The following PTDSS2 variants were observed in gnomAD, a reference collection of about 807,000 sequenced individuals.
PTDSS2 encodes phosphatidylserine synthase 2.
PTDSS2 carries 41 observed loss-of-function variants against 64.7 expected under a neutral mutation model. That is an observed-to-expected ratio of 0.63 (90% CI 0.49 to 0.82). The LOEUF (loss-of-function observed/expected upper bound fraction) is 0.82. Among genes scored for constraint, PTDSS2 ranks in the 40% least tolerant of loss-of-function variants. The probability of loss-of-function intolerance (pLI) is 0.00; values close to 1 mark genes in which losing one functional copy is unlikely to be tolerated. For synonymous variants in PTDSS2, 297 were observed against 277.8 expected, an observed-to-expected ratio of 1.07 and a Z score of -0.69; for missense variants, 485 against 650.0, an observed-to-expected ratio of 0.75 and a Z score of 2.76.
upstream of PTDSS2, among the ~76,000 whole-genome samples, chr11:449,319 T>C (rs1346243336): frequency 2.0e-5 from 3 of 152,192 alleles, no homozygotes; most frequent in Non-Finnish European, 2.9e-5. Flanking sequence ...CCGCCCGCCT[T>C]GGCCTCCCAA....
At chr11:452,351 G>GTGC (rs1303642972) in intron 1 of PTDSS2, among the ~76,000 whole-genome samples, 11 of 152,228 alleles carry the variant, frequency 7.2e-5, no homozygotes, top group Non-Finnish European at 1.3e-4. Flanking sequence ...TGCTGGCTGG[G>GTGC]TGCTGAGTGT....
At chr11:468,278 G>T (rs1416739978) in intron 2 of PTDSS2, among the ~76,000 whole-genome samples, 3 of 152,236 alleles carry the variant, frequency 2.0e-5, no homozygotes, top group African/African-American at 4.8e-5. Context: ...GAGGCAATAT[G>T]ATGTGGTAGT....
At chr11:451,708 A>C (rs1269223754) in intron 1 of PTDSS2, among the ~76,000 whole-genome samples, 1 of 152,124 alleles carries the variant, frequency 6.6e-6, no homozygotes, top group Non-Finnish European at 1.5e-5. Flanking sequence ...TGTCAGGGGA[A>C]GGCGCCACCA....
intron 4 of PTDSS2, among the ~76,000 whole-genome samples, chr11:482,384 G>A (rs994758311): frequency 6.6e-6 from 1 of 152,190 alleles, no homozygotes; most frequent in Non-Finnish European, 1.5e-5. Context: ...TACCACACCC[G>A]ACTAATTTTG....
rs1420898550 is a variant in PTDSS2, at chr11:490,042, C to T, written c.1275C>T (p.Thr425=). The change falls in exon 11 of 12, where the codon ACC becomes ACT. Residue 425 remains threonine (T), a synonymous_variant. Transcript: ENST00000308020. The stretch of plus-strand genomic sequence containing the variant: ...CCCTCGGCTCCGTCCTGGCGCTCAC[C>T]TGGACCGTCTGGCGCTTCTTCCTGC... ...CWTLGSVLAL[T]WTVWRFFLRD... The T allele has an allele frequency of 2.5e-6, 4 of 1,609,378 alleles. No individual in the cohort carries two copies. The Admixed American group carries it at 5.0e-5, about 20-fold the overall frequency.
At position 488,244 on chromosome 11, in the gene PTDSS2, A is replaced by G. The variant is rs1428723416; in HGVS notation, c.667A>G (p.Met223Val). ...GTGGATGTGCATGATCATCAGCGTG[A>G]TGTTCGAGTTCCTGGAGTACAGCCT... ...DWWMCMIISV[M>V]FEFLEYSLEH... The change falls in exon 7 of 12, where the codon ATG becomes GTG. Residue 223 changes from methionine (M) to valine (V), a missense_variant. This residue lies in a region of PTDSS2 where 251 missense variants were observed against 348.0 expected (regional missense o/e 0.72). Transcript: ENST00000308020. The G allele has an allele frequency of 1.2e-6, 2 of 1,613,566 alleles. No individual in the cohort carries two copies. Among genetic ancestry groups the G allele is most frequent in the East Asian group, 2.2e-5 (1 of 44,878 alleles).
At chr11:469,267 C>G (rs112877583) in intron 2 of PTDSS2, among the ~76,000 whole-genome samples, 75 of 64,694 alleles carry the variant, frequency 1.2e-3, no homozygotes, top group African/African-American at 2.2e-3. Flanking sequence ...AGGAGGAGGG[C>G]AGTCTCTGGG....
chr11:457,169 A>G (rs895258988), intron 1 of PTDSS2, among the ~76,000 whole-genome samples: 1 of 152,246 alleles, frequency 6.6e-6, no homozygotes, highest in Non-Finnish European at 1.5e-5. Context: ...CTCCACCTGC[A>G]GTCCTGCAGC....
In PTDSS2 at chr11:460,386, C is replaced by T; in HGVS notation, c.284+98C>T. 1.0e-6 allele frequency: 1 copy of T among 997,228 alleles called. No homozygotes were observed. Among genetic ancestry groups the T allele is most frequent in the South Asian group, 1.4e-5 (1 of 72,608 alleles). The allele number at this position is 997,228 out of a possible 1,614,324, so 61.8% of individuals were successfully genotyped here. On this transcript the variant is annotated intron_variant, in intron 2 of 11. Coordinates refer to ENST00000308020, the MANE Select transcript of PTDSS2 (RefSeq NM_030783.3). This position sits in a 1 kb window ranked among gnomAD's most constrained non-coding sequence, Gnocchi z 5.8. ...TCGGGCTGCCGGGGGCTCAGAAGGC[C>T]TTCACCAGAGGGCTGCGTGGGGCCG...
At chr11:484,683 CGTGTGTGCTGT>C (rs1198644189) in intron 4 of PTDSS2, among the ~76,000 whole-genome samples, 2 of 145,688 alleles carry the variant, frequency 1.4e-5, no homozygotes, top group African/African-American at 5.0e-5. Flanking sequence ...ACTGCACGGG[CGTGTGTGCTGT>C]GTGTGTGCAG....
In PTDSS2 at chr11:479,167, T is replaced by A; in HGVS notation, c.435+15T>A. 1 of 1,609,828 alleles carries A rather than the reference T, an allele frequency of 6.2e-7. No individual in the cohort carries two copies. Among genetic ancestry groups the A allele is most frequent in the African/African-American group, 1.3e-5 (1 of 74,974 alleles). On this transcript the variant is annotated intron_variant, in intron 4 of 11. Transcript: ENST00000308020. This position sits in a 1 kb window ranked among gnomAD's most constrained non-coding sequence, Gnocchi z 4.2. ...TACTCTTCCAGGTAAGCTGTTTTTC[T>A]GGGTTGGATACCTGGGAACTTAGGT...
intron 2 of PTDSS2, among the ~76,000 whole-genome samples, chr11:471,561 G>T (rs1262630033): frequency 6.8e-6 from 1 of 146,558 alleles, no homozygotes; most frequent in Admixed American, 6.8e-5. Flanking sequence ...GGTGACGCAC[G>T]CCTGTCGGGC....
At chr11:481,246 A>G (rs1270101131) in intron 4 of PTDSS2, among the ~76,000 whole-genome samples, 1 of 152,120 alleles carries the variant, frequency 6.6e-6, no homozygotes, top group African/African-American at 2.4e-5. Context: ...GTCATGATCT[A>G]GTAGAATATC....
At position 470,115 on chromosome 11, in the gene PTDSS2, G is replaced by A. The variant is rs1033930836; in HGVS notation, c.285-3780G>A. ...GCGTGAGCTCCCGGCACCGCTGTGC[G>A]CTGCGCGTGGTGACCTGACCTCCTT... On this transcript the variant is annotated intron_variant, in intron 2 of 11. Coordinates refer to ENST00000308020, the MANE Select transcript of PTDSS2 (RefSeq NM_030783.3). The surrounding 1 kb of genome is among the most constrained non-coding windows in gnomAD (Gnocchi z 5.3). Among the ~76,000 whole-genome samples, 1 of 152,178 alleles carries A rather than the reference G, an allele frequency of 6.6e-6. No individual in the cohort carries two copies. The highest frequency in any genetic ancestry group is 1.9e-4 in the East Asian group (1 of 5,202).
rs1436909031 is a variant in PTDSS2 at position 490,837 on chromosome 11, TGTG to T, written c.*259_*261del. On this transcript the variant is annotated 3_prime_UTR_variant, in exon 12 of 12. Coordinates refer to ENST00000308020, the MANE Select transcript of PTDSS2 (RefSeq NM_030783.3). Reference sequence around the variant, plus strand: ...GCGTGTGTACACATGCGTGGCCGCCTGTGGTGTGCACGTGTGCTCTGGGCTCCG... The same window carrying T: ...GCGTGTGTACACATGCGTGGCCGCCTGTGTGCACGTGTGCTCTGGGCTCCG... The T allele has an allele frequency of 1.9e-5, 10 of 531,166 alleles. No individual in the cohort carries two copies. Among genetic ancestry groups the T allele is most frequent in the Non-Finnish European group, 2.3e-5 (7 of 300,824 alleles). 32.9% of individuals were successfully genotyped at this position (531,166 alleles called of 1,614,324 possible).
chr11:487,362 T>G (rs1022711641), intron 5 of PTDSS2, 58 bp from the exon 6 acceptor site: 6 of 1,475,656 alleles, frequency 4.1e-6, no homozygotes, highest in Admixed American at 1.7e-5. Context: ...GATCTGCCGG[T>G]GTGGGGAGTG....
intron 1 of PTDSS2, among the ~76,000 whole-genome samples, chr11:452,171 G>T (rs1846360985): frequency 6.6e-6 from 1 of 152,218 alleles, no homozygotes; most frequent in African/African-American, 2.4e-5. Context: ...GCTCCTCTGA[G>T]GTCCCGGAGC....
chr11:488,445 C>A, intron 7 of PTDSS2, 84 bp from the exon 8 acceptor site: 2 of 1,371,142 alleles, frequency 1.5e-6, no homozygotes, highest in South Asian at 1.2e-5. Context: ...GGGGCATTCT[C>A]GGTTCCCCTG....
At chr11:472,446 C>T (rs1004479388) in intron 2 of PTDSS2, among the ~76,000 whole-genome samples, 3 of 152,162 alleles carry the variant, frequency 2.0e-5, no homozygotes, top group African/African-American at 4.8e-5. Flanking sequence ...AGGCTGACAG[C>T]GGTAGTGTGG....
Sources: gnomAD v4.1 joint callset for allele counts (sites outside exome capture counted in the v4.1 genomes callset) on GRCh38, gnomAD v4.1.1 for gene constraint, gnomAD v4.1.1 regional missense constraint, Gnocchi (gnomAD v3.1) non-coding constraint, MANE v1.5 for transcripts, NCBI Gene and HGNC (gene_info 2026-07-23, HGNC 2026-07-21) for gene names.